Variants in CABLES2 observed in about 807,000 individuals in gnomAD.
CABLES2 encodes CDK5 and ABL1 enzyme substrate 2.
Under a neutral mutation model 44.8 loss-of-function variants are expected in CABLES2, and 35 were observed. The observed-to-expected ratio is 0.78, with a 90% CI of 0.60 to 1.04. CABLES2 has a LOEUF of 1.04. Ranked by LOEUF, CABLES2 falls within the 50% of genes least tolerant of loss-of-function variation. The probability of loss-of-function intolerance (pLI) is 0.00; values close to 1 mark genes in which losing one functional copy is unlikely to be tolerated. For synonymous variants in CABLES2, 282 were observed against 281.1 expected, an observed-to-expected ratio of 1.00 and a Z score of -0.03; for missense variants, 566 against 615.7, an observed-to-expected ratio of 0.92 and a Z score of 0.85.
In CABLES2 at chr20:62,407,240, C is replaced by A. The variant is rs1214988701; in HGVS notation, c.37G>T (p.Ala13Ser). The change falls in exon 1 of 10, where the codon GCC becomes TCC. Residue 13 changes from alanine to serine, a missense_variant. This residue lies in a region of CABLES2 where 130 missense variants were observed against 79.4 expected (regional missense o/e 1.64). Coordinates refer to ENST00000279101, the MANE Select transcript of CABLES2 (RefSeq NM_031215.3). ...GGCGGGGGCCCGGCGGGGCCGGGGGCCGGGCCCGGGGCTCCACCGGCCGCG... is the reference window on the plus strand; with the variant it reads ...GGCGGGGGCCCGGCGGGGCCGGGGGACGGGCCCGGGGCTCCACCGGCCGCG... ...AAAAGGAPGPAPGPAGPPPPA... is the reference protein window; with the variant it reads ...AAAAGGAPGPSPGPAGPPPPA... 3.7e-6 allele frequency: 3 copies of A among 807,968 alleles called. No homozygotes were observed. In the East Asian group the frequency reaches 3.8e-4, roughly 103 times the overall value. The allele number at this position is 807,968 out of a possible 1,614,324, so 50.0% of individuals were successfully genotyped here. A position where few individuals can be genotyped will look rare whatever the true frequency, so the allele number is the denominator to read the frequency against.
chr20:62,406,519 AT>A (rs1447299057), intron 1 of CABLES2, among the ~76,000 whole-genome samples: 1 of 150,466 alleles, frequency 6.6e-6, no homozygotes, highest in East Asian at 1.9e-4. Context: ...TCAGGGGACA[AT>A]GAACCCTATG....
At chr20:62,398,056 C>CGGTGGTGGT (rs1381507759) in intron 1 of CABLES2, among the ~76,000 whole-genome samples, 2 of 51,174 alleles carry the variant, frequency 3.9e-5, no homozygotes, top group African/African-American at 1.4e-4. Flanking sequence ...GTGGTGATGG[C>CGGTGGTGGT]GATGGTGGTG....
Position 62,392,467 on chromosome 20 carries a change from G to A in CABLES2, c.1013C>T (p.Ser338Leu). The A allele has an allele frequency of 6.2e-7, 1 of 1,614,088 alleles. No homozygotes were observed. Among genetic ancestry groups the A allele is most frequent in the Non-Finnish European group, 8.5e-7 (1 of 1,179,966 alleles). The change falls in exon 8 of 10, where the codon TCA becomes TTA. Residue 338 changes from serine (S) to leucine (L), a missense_variant. This residue lies in a region of CABLES2 where 436 missense variants were observed against 536.3 expected (regional missense o/e 0.81). Coordinates refer to ENST00000279101, the MANE Select transcript of CABLES2 (RefSeq NM_031215.3). Reference sequence around the variant, plus strand: ...CTCGTTCATGTCCTTTTTGAGGTCTGAGGGCTTCACGTATTCTATCACTGT... The same window carrying A: ...CTCGTTCATGTCCTTTTTGAGGTCTAAGGGCTTCACGTATTCTATCACTGT... ...MTTVIEYVKP[S>L]DLKKDMNETF...
At chr20:62,406,757 C>A (rs988605791) in intron 1 of CABLES2, among the ~76,000 whole-genome samples, 158 bp downstream of exon 1, 1 of 120,174 alleles carries the variant, frequency 8.3e-6, no homozygotes, top group African/African-American at 3.5e-5. Context: ...TTGTCCTGGC[C>A]TCTGTCCAGG....
In CABLES2 at chr20:62,396,544, G is replaced by T. The variant is rs148559612; in HGVS notation, c.411C>A (p.Ala137=). 6.2e-7 allele frequency: 1 copy of T among 1,613,590 alleles called. No homozygotes were observed. The highest frequency in any genetic ancestry group is 8.5e-7 in the Non-Finnish European group (1 of 1,179,922). ...QRCSLEFLED[A]VGCAPAQRTK... The stretch of plus-strand genomic sequence containing the variant: ...ACCTCTGTGCTGGAGCGCATCCCAC[G>T]GCATCTTCCAGAAACTCCAGGGAGC... Residue 137 remains alanine, a synonymous_variant, in exon 2 of 10, where the codon GCC becomes GCA. Transcript: ENST00000279101. The surrounding 1 kb of genome is among the most constrained non-coding windows in gnomAD (Gnocchi z 5.7).
intron 4 of CABLES2, among the ~76,000 whole-genome samples, chr20:62,394,493 GC>G (rs1205001651): frequency 1.3e-5 from 2 of 152,194 alleles, no homozygotes; most frequent in Non-Finnish European, 2.9e-5. Flanking sequence ...GGCTGGTAGA[GC>G]CCCCGGGGTG....
intron 1 of CABLES2, among the ~76,000 whole-genome samples, chr20:62,398,202 G>GGTGGTGGGGATGGTGA (rs879730947): frequency 8.9e-6 from 1 of 112,556 alleles, no homozygotes; most frequent in Non-Finnish European, 1.9e-5. Flanking sequence ...GATGATGGTG[G>GGTGGTGGGGATGGTGA]TGATGGTGAT....
chr20:62,393,455 C>A lies in CABLES2; in HGVS notation c.865G>T (p.Ala289Ser). 1 of 1,608,102 alleles carries A rather than the reference C, an allele frequency of 6.2e-7. No individual in the cohort carries two copies. The highest frequency in any genetic ancestry group is 1.7e-5 in the Admixed American group (1 of 59,306). The change falls in exon 6 of 10, where the codon GCC (alanine) becomes TCC (serine). Residue 289 changes from alanine to serine, a missense_variant. Coordinates refer to ENST00000279101, the MANE Select transcript of CABLES2 (RefSeq NM_031215.3). ...CGTGGGCTACCTAGTTCTGTGCTGG[C>A]TGGTGCCGACTTGGTGGGGGCAGGT... Reference protein sequence around the residue: ...HKPAPTKSAPASTELGSDVGD... With the variant: ...HKPAPTKSAPSSTELGSDVGD...
At position 62,407,124 on chromosome 20, in the gene CABLES2, G is replaced by A. The variant is rs1158989132; in HGVS notation, c.153C>T (p.Phe51=). ...GCCCGTCCAGGGAGATGTTGTTGAG[G>A]AAGAAAAGCGCGGCCTGGCGGCGCC... ...DSRRRQAALF[F]LNNISLDGRP... is the part of the protein sequence containing the mutation. Residue 51 remains phenylalanine (F), a synonymous_variant, in exon 1 of 10, where the codon TTC becomes TTT. Transcript: ENST00000279101. 25 of 1,034,766 alleles carry A rather than the reference G, an allele frequency of 2.4e-5. No individual in the cohort carries two copies. The highest frequency in any genetic ancestry group is 2.9e-5 in the Non-Finnish European group (25 of 860,330). 64.1% of individuals were successfully genotyped at this position (1,034,766 alleles called of 1,614,324 possible).
chr20:62,393,335 G>A, intron 6 of CABLES2, 105 bp downstream of exon 6: 5 of 1,203,012 alleles, frequency 4.2e-6, no homozygotes, highest in Non-Finnish European at 4.7e-6. Flanking sequence ...CTGCACGGAG[G>A]GCTACAGATT....
At chr20:62,405,547 C>T (rs1023895689) in intron 1 of CABLES2, 8 of 152,344 alleles carry the variant, frequency 5.3e-5, no homozygotes, top group East Asian at 1.9e-4. Flanking sequence ...GAGTGCACCG[C>T]GACCTGCGTG....
At chr20:62,403,348 G>A (rs1208449139) in intron 1 of CABLES2, 2 of 152,274 alleles carry the variant, frequency 1.3e-5, no homozygotes, top group African/African-American at 4.8e-5. Flanking sequence ...AAGTTAAGAT[G>A]TCACAGGTTA....
At chr20:62,393,414 G>C (rs765217540) in intron 6 of CABLES2, 26 bp downstream of exon 6, 27 of 1,569,010 alleles carry the variant, frequency 1.7e-5, no homozygotes, top group Non-Finnish European at 2.3e-5. Flanking sequence ...CCCTGTTCCA[G>C]GCCGTGGTTA....
intron 6 of CABLES2, 66 bp from the exon 7 acceptor site, chr20:62,393,089 G>A (rs1388384774): frequency 1.4e-6 from 2 of 1,427,964 alleles, no homozygotes; most frequent in Non-Finnish European, 2.0e-6. Context: ...CCCAAGGCCT[G>A]GCAGGCCAGC....
At chr20:62,400,601 G>A (rs1988170968) in intron 1 of CABLES2, among the ~76,000 whole-genome samples, 1 of 152,216 alleles carries the variant, frequency 6.6e-6, no homozygotes, top group South Asian at 2.1e-4. Flanking sequence ...CTTTCTGGAA[G>A]CTCCTTCCCA....
In CABLES2 at chr20:62,392,500, A is replaced by G. The variant is rs746046200; in HGVS notation, c.985-5T>C. On this transcript the variant is annotated splice_polypyrimidine_tract_variant and splice_region_variant and intron_variant, in intron 7 of 9. Coordinates refer to ENST00000279101, the MANE Select transcript of CABLES2 (RefSeq NM_031215.3). ...CACGTATTCTATCACTGTGGTCTGC[A>G]ACAGAGAGTGGGCAGGGTTGGGCCG... The G allele has an allele frequency of 1.1e-5, 17 of 1,609,778 alleles. No homozygotes were observed. The highest frequency in any genetic ancestry group is 1.6e-4 in the Middle Eastern group (1 of 6,082).
At chr20:62,402,522 C>T (rs1003892814) in intron 1 of CABLES2, 5 of 152,242 alleles carry the variant, frequency 3.3e-5, no homozygotes, top group Non-Finnish European at 5.9e-5. Flanking sequence ...ACGCCAGCAC[C>T]GGGGAGACTG....
rs1388933828 is a variant in CABLES2 at position 62,398,077 on chromosome 20, T to A, written c.363-1485A>T. Among the ~76,000 whole-genome samples the A allele has an allele frequency of 3.6e-4, 12 of 33,108 alleles. 1 individual carries two copies. The East Asian group carries it at 4.1e-3, about 11-fold the overall frequency. 21.7% of individuals were successfully genotyped at this position (33,108 alleles called of 152,430 possible). On this transcript the variant is annotated intron_variant, in intron 1 of 9. Coordinates refer to ENST00000279101, the MANE Select transcript of CABLES2 (RefSeq NM_031215.3). ...ATGGCGATGGTGGTGGTGACGGTGG[T>A]GGTGGTGGTGACGGTGGTGGTGGTG...
rs769103109 is a variant in CABLES2, at chr20:62,394,993, C to T, written c.549G>A (p.Lys183=). Residue 183 remains lysine (K), a synonymous_variant, in exon 4 of 10, where the codon AAG becomes AAA. Coordinates refer to ENST00000279101, the MANE Select transcript of CABLES2 (RefSeq NM_031215.3). Reference sequence around the variant, plus strand: ...CCGAGAAGGCCGCGCACAGGGACCGCTTGGCACAGATGAGCACGATCCTGC... The same window carrying T: ...CCGAGAAGGCCGCGCACAGGGACCGTTTGGCACAGATGAGCACGATCCTGC... The part of the protein sequence containing the change: ...RNSRIVLICA[K]RSLCAAFSVL... The T allele has an allele frequency of 1.9e-6, 3 of 1,612,978 alleles. No homozygotes were observed. Among genetic ancestry groups the T allele is most frequent in the Admixed American group, 1.7e-5 (1 of 60,016 alleles).
Sources: allele counts gnomAD v4.1 joint callset (sites outside exome capture counted in the v4.1 genomes callset), GRCh38; gene constraint gnomAD v4.1.1; regional missense constraint gnomAD v4.1.1; non-coding constraint Gnocchi (gnomAD v3.1); transcripts MANE v1.5; gene names NCBI Gene and HGNC (gene_info 2026-07-23, HGNC 2026-07-21).